Variants in KCNB2 observed in about 807,000 individuals in gnomAD.
KCNB2 encodes the protein potassium voltage-gated channel subfamily B member 2, also known as delayed rectifier potassium channel protein.
In KCNB2, 15 loss-of-function variants were observed where a neutral mutation model predicts 61.5. That is an observed-to-expected ratio of 0.24 (90% CI 0.16 to 0.38). The LOEUF is 0.38. Among genes scored for constraint, KCNB2 ranks in the 10% least tolerant of loss-of-function variants. The probability of loss-of-function intolerance (pLI) is 1.00; values close to 1 mark genes in which losing one functional copy is unlikely to be tolerated. For missense variants in KCNB2, 828 were observed against 1,125.2 expected, an observed-to-expected ratio of 0.74 and a Z score of 3.78; for synonymous variants, 457 against 446.0, an observed-to-expected ratio of 1.02 and a Z score of -0.31.
intron 2 of KCNB2, among the ~76,000 whole-genome samples, chr8:72,657,160 T>A (rs1414603065): frequency 6.6e-6 from 1 of 152,168 alleles, no homozygotes; most frequent in Non-Finnish European, 1.5e-5. Context: ...GAAATACAGT[T>A]ACTACTCCAC....
intron 2 of KCNB2, among the ~76,000 whole-genome samples, chr8:72,799,735 C>T (rs186339216): frequency 5.3e-5 from 8 of 152,036 alleles, no homozygotes; most frequent in South Asian, 2.1e-4. Flanking sequence ...TACCAGATAC[C>T]GAAAGATGGA....
rs1585876486 is a variant in KCNB2 at position 72,758,985 on chromosome 8, G to A, written c.580-176950G>A. 2.6e-5 allele frequency among the ~76,000 whole-genome samples: 4 copies of A among 152,158 alleles called. No homozygotes were observed. In the East Asian group the frequency reaches 7.7e-4, roughly 29 times the overall value. On this transcript the variant is annotated intron_variant, in intron 2 of 2. Coordinates refer to ENST00000523207, the MANE Select transcript of KCNB2 (RefSeq NM_004770.3). ...AATTAAGGGACAGCTGGAGAATGAG[G>A]ATAAAATCATGCCAATATTTTATAA... is the stretch of plus-strand genomic sequence containing the variant.
rs368311685 is a variant in KCNB2, at chr8:72,825,287, C to T, written c.580-110648C>T. Among the ~76,000 whole-genome samples the T allele has an allele frequency of 4.0e-4, 61 of 152,276 alleles. 1 individual carries two copies. In the South Asian group the frequency reaches 0.012, roughly 30 times the overall value. ...AGAGAGAGATCACATTTTGTCTACC[C>T]ATTCTTCCATCTATGGCATTTGGGT... On this transcript the variant is annotated intron_variant, in intron 2 of 2. Coordinates refer to ENST00000523207, the MANE Select transcript of KCNB2 (RefSeq NM_004770.3).
chr8:72,583,722 A>G (rs1244847305), intron 2 of KCNB2, among the ~76,000 whole-genome samples: 1 of 152,188 alleles, frequency 6.6e-6, no homozygotes, highest in Non-Finnish European at 1.5e-5. Context: ...GACTTTTGTA[A>G]TAATTCTGGA....
chr8:72,686,292 A>G (rs1378596622), intron 2 of KCNB2, among the ~76,000 whole-genome samples: 3 of 152,044 alleles, frequency 2.0e-5, no homozygotes, highest in Admixed American at 6.5e-5. Context: ...GTGTCCTGCT[A>G]TTCGTCTTAT....
chr8:72,884,440 C>T (rs757752150), intron 2 of KCNB2, among the ~76,000 whole-genome samples: 6 of 152,012 alleles, frequency 3.9e-5, no homozygotes, highest in Non-Finnish European at 7.4e-5. Flanking sequence ...TTTTGTTTTA[C>T]AGAAGTTTTG....
At chr8:72,682,336 T>C (rs1806773179) in intron 2 of KCNB2, among the ~76,000 whole-genome samples, 2 of 152,160 alleles carry the variant, frequency 1.3e-5, no homozygotes, top group African/African-American at 4.8e-5. Context: ...CTAAATTATA[T>C]ATATTATTGA....
chr8:72,556,459 T>C (rs1218314558), intron 1 of KCNB2, among the ~76,000 whole-genome samples: 1 of 152,130 alleles, frequency 6.6e-6, no homozygotes, highest in Non-Finnish European at 1.5e-5. Context: ...TGTTTAATGA[T>C]CCTCACTAAT....
intron 2 of KCNB2, among the ~76,000 whole-genome samples, chr8:72,762,769 A>AAAGCTC (rs1301111278): frequency 6.6e-6 from 1 of 151,996 alleles, no homozygotes; most frequent in Non-Finnish European, 1.5e-5. Context: ...CAAGAAGCCT[A>AAAGCTC]AAGCTCAATA....
At chr8:72,710,236 A>AC (rs1407400072) in intron 2 of KCNB2, among the ~76,000 whole-genome samples, 7 of 152,208 alleles carry the variant, frequency 4.6e-5, no homozygotes, top group Non-Finnish European at 7.3e-5. Flanking sequence ...ACACAAAGGA[A>AC]CATTGGTGTT....
In KCNB2 at chr8:72,692,314, A is replaced by T. The variant is rs565273095; in HGVS notation, c.579+124001A>T. ...TGTTAATTGATTTTTCTATTAATTA[A>T]TTTTTATTGTATTTTACAATCCTGT... On this transcript the variant is annotated intron_variant, in intron 2 of 2. Transcript: ENST00000523207. 3.0e-3 allele frequency among the ~76,000 whole-genome samples: 449 copies of T among 151,912 alleles called. 3 individuals are homozygous for T. Among genetic ancestry groups the T allele is most frequent in the Non-Finnish European group, 5.0e-3 (338 of 67,972 alleles).
At chr8:72,609,881 C>T (rs1222198735) in intron 2 of KCNB2, among the ~76,000 whole-genome samples, 1 of 152,136 alleles carries the variant, frequency 6.6e-6, no homozygotes, top group African/African-American at 2.4e-5. Context: ...CCCAGGACGT[C>T]GTTACGTTGA....
intron 2 of KCNB2, among the ~76,000 whole-genome samples, chr8:72,857,212 G>A (rs1001271864): frequency 2.0e-5 from 3 of 152,182 alleles, no homozygotes; most frequent in African/African-American, 4.8e-5. Context: ...AATATGCACA[G>A]TGAAAGGTAT....
At position 72,839,599 on chromosome 8, in the gene KCNB2, C is replaced by CTTTTT. The variant is rs10561095; in HGVS notation, c.580-96309_580-96305dup. 2.9e-3 allele frequency among the ~76,000 whole-genome samples: 252 copies of CTTTTT among 87,652 alleles called. 17 individuals carry two copies. The highest frequency in any genetic ancestry group is 0.01 in the African/African-American group (213 of 20,438). 57.5% of individuals were successfully genotyped at this position (87,652 alleles called of 152,430 possible). A position where few individuals can be genotyped will look rare whatever the true frequency, so the allele number is the denominator to read the frequency against. On this transcript the variant is annotated intron_variant, in intron 2 of 2. Transcript: ENST00000523207. ...CCTTGAGCTAAACTTTGAAAGGCTT[C>CTTTTT]TTTTTTTTTTTTTTTTTTTTTTTTT...
At chr8:72,847,204 A>T (rs146897795) in intron 2 of KCNB2, among the ~76,000 whole-genome samples, 16 of 152,342 alleles carry the variant, frequency 1.1e-4, no homozygotes, top group African/African-American at 3.8e-4. Context: ...AAATGATTTC[A>T]TGAGTTGGGT....
chr8:72,921,451 T>G (rs1806518779), intron 2 of KCNB2, among the ~76,000 whole-genome samples: 1 of 152,118 alleles, frequency 6.6e-6, no homozygotes, highest in Admixed American at 6.6e-5. Context: ...AGCAGAGAGA[T>G]GAGGTATGGT....
chr8:72,713,375 C>T (rs1442638513), intron 2 of KCNB2, among the ~76,000 whole-genome samples: 2 of 152,202 alleles, frequency 1.3e-5, no homozygotes, highest in Admixed American at 1.3e-4. Context: ...AAGTGGGTCC[C>T]TGACCCCCAA....
intron 2 of KCNB2, among the ~76,000 whole-genome samples, chr8:72,899,291 G>A (rs896114212): frequency 5.3e-5 from 8 of 152,122 alleles, no homozygotes; most frequent in Non-Finnish European, 1.0e-4. Flanking sequence ...ACATCACACT[G>A]AATGAGCAAA....
At chr8:72,599,851 C>T (rs2128982364) in intron 2 of KCNB2, among the ~76,000 whole-genome samples, 1 of 152,284 alleles carries the variant, frequency 6.6e-6, no homozygotes, top group South Asian at 2.1e-4. Context: ...AAAAAAGGCT[C>T]ATCATCACTG....
Sources: gnomAD v4.1 joint callset for allele counts (sites outside exome capture counted in the v4.1 genomes callset) on GRCh38, gnomAD v4.1.1 for gene constraint, MANE v1.5 for transcripts, NCBI Gene and HGNC (gene_info 2026-07-23, HGNC 2026-07-21) for gene names.